ANKS1B: variants seen among roughly 807,000 people sequenced by gnomAD.
ANKS1B encodes the protein ankyrin repeat and sterile alpha motif domain containing 1B, also known as ankyrin repeat and sterile alpha motif domain-containing protein 1B.
In ANKS1B, 36 loss-of-function variants were observed where a neutral mutation model predicts 148.3. The observed-to-expected ratio is 0.24, with a 90% confidence interval of 0.19 to 0.32. The LOEUF is 0.32. Ranked by LOEUF, ANKS1B falls within the 10% of genes least tolerant of loss-of-function variation. ANKS1B has a pLI of 1.00. For missense variants in ANKS1B, 1,157 were observed against 1,542.6 expected, an observed-to-expected ratio of 0.75 and a Z score of 4.19; for synonymous variants, 542 against 560.8, an observed-to-expected ratio of 0.97 and a Z score of 0.47.
chr12:99,723,347 C>T (rs1249551544), intron 8 of ANKS1B, among the ~76,000 whole-genome samples: 3 of 152,108 alleles, frequency 2.0e-5, no homozygotes, highest in Non-Finnish European at 4.4e-5. Context: ...CGAGAGGGGT[C>T]CCCCGCAGCA....
At chr12:98,806,295 T>G (rs1216662605) in intron 20 of ANKS1B, among the ~76,000 whole-genome samples, 1 of 152,258 alleles carries the variant, frequency 6.6e-6, no homozygotes, top group Non-Finnish European at 1.5e-5. Flanking sequence ...AAGCCTTGTA[T>G]TATTCTTTAA....
chr12:99,563,455 C>T (rs2097357903), intron 9 of ANKS1B, among the ~76,000 whole-genome samples: 1 of 151,924 alleles, frequency 6.6e-6, no homozygotes, highest in Admixed American at 6.6e-5. Context: ...AGTAGGGAGG[C>T]CTGAGGAGAG....
intron 11 of ANKS1B, among the ~76,000 whole-genome samples, chr12:99,430,718 C>T (rs2095355457): frequency 6.6e-6 from 1 of 152,154 alleles, no homozygotes; most frequent in Non-Finnish European, 1.5e-5. Flanking sequence ...TCTTCAGAGA[C>T]ATAATAAATA....
chr12:99,078,285 T>C (rs999852934), intron 16 of ANKS1B, among the ~76,000 whole-genome samples: 8 of 152,338 alleles, frequency 5.3e-5, no homozygotes, highest in African/African-American at 1.9e-4. Flanking sequence ...TAGAGTTTAG[T>C]AGACTCACTG....
chr12:98,773,287 T>C, intron 24 of ANKS1B, 108 bp from the exon 25 acceptor site: 2 of 1,303,838 alleles, frequency 1.5e-6, no homozygotes, highest in South Asian at 1.6e-5. Flanking sequence ...TCTGGAGTGT[T>C]CTAGACTAGC....
intron 9 of ANKS1B, among the ~76,000 whole-genome samples, chr12:99,643,358 A>G (rs901421898): frequency 6.6e-6 from 1 of 152,214 alleles, no homozygotes; most frequent in Non-Finnish European, 1.5e-5. Flanking sequence ...CTAAAATTCA[A>G]TGATATGACA....
chr12:99,796,290 T>A (rs1390153214), intron 4 of ANKS1B, among the ~76,000 whole-genome samples: 1 of 152,010 alleles, frequency 6.6e-6, no homozygotes, highest in Non-Finnish European at 1.5e-5. Context: ...GGCATGGAAT[T>A]TAAAACTTAT....
intron 14 of ANKS1B, among the ~76,000 whole-genome samples, chr12:99,183,846 G>C (rs946492455): frequency 2.2e-4 from 33 of 152,082 alleles, no homozygotes; most frequent in African/African-American, 7.7e-4. Flanking sequence ...ACTTTTTTCT[G>C]TCAGAGCACC....
intron 17 of ANKS1B, among the ~76,000 whole-genome samples, chr12:98,840,463 C>G (rs2099399739): frequency 6.6e-6 from 1 of 152,072 alleles, no homozygotes; most frequent in South Asian, 2.1e-4. Context: ...TATACAGCTC[C>G]AGAGAGAGCA....
chr12:99,936,215 T>C (rs1359800320), intron 1 of ANKS1B, among the ~76,000 whole-genome samples: 1 of 152,172 alleles, frequency 6.6e-6, no homozygotes, highest in East Asian at 1.9e-4. Flanking sequence ...GTGAGAATCT[T>C]GGGAGCCATC....
intron 19 of ANKS1B, among the ~76,000 whole-genome samples, chr12:98,808,413 T>C (rs1167471902): frequency 6.6e-6 from 1 of 152,224 alleles, no homozygotes; most frequent in Non-Finnish European, 1.5e-5. Context: ...AAGATATTTA[T>C]GCCTCCAGAG....
At chr12:99,251,661 C>T (rs1283047875) in intron 12 of ANKS1B, among the ~76,000 whole-genome samples, 6 of 152,108 alleles carry the variant, frequency 3.9e-5, no homozygotes, top group Non-Finnish European at 2.9e-5. Flanking sequence ...TCCACCTTTG[C>T]TATGATTTTT....
At chr12:99,532,157 T>C (rs1440778132) in intron 9 of ANKS1B, among the ~76,000 whole-genome samples, 3 of 152,232 alleles carry the variant, frequency 2.0e-5, no homozygotes, top group Admixed American at 2.0e-4. Context: ...GTCTGTTTAC[T>C]TTGTGGATTA....
chr12:99,042,325 A>G (rs1283329780), intron 17 of ANKS1B, among the ~76,000 whole-genome samples: 1 of 152,160 alleles, frequency 6.6e-6, no homozygotes, highest in Non-Finnish European at 1.5e-5. Flanking sequence ...TGTTATGAAG[A>G]CATGTCTGCG....
intron 3 of ANKS1B, among the ~76,000 whole-genome samples, chr12:99,808,348 A>G (rs889885131): frequency 2.0e-5 from 3 of 152,124 alleles, no homozygotes; most frequent in African/African-American, 7.2e-5. Context: ...GAGTAGAGTG[A>G]CAAGGGGAAA....
chr12:99,502,781 AT>A (rs2096668428), intron 10 of ANKS1B, among the ~76,000 whole-genome samples: 2 of 152,098 alleles, frequency 1.3e-5, no homozygotes, highest in South Asian at 2.1e-4. Flanking sequence ...TGCTCAATAA[AT>A]TTACTATTTT....
At chr12:98,818,662 TATC>T (rs1365167826) in intron 19 of ANKS1B, among the ~76,000 whole-genome samples, 1 of 152,244 alleles carries the variant, frequency 6.6e-6, no homozygotes. Flanking sequence ...ATCAGCTTTT[TATC>T]ATAACATGAA....
rs1214267546 is a variant in ANKS1B, at chr12:99,445,273, T to A, written c.1439-1464A>T. Among the ~76,000 whole-genome samples the A allele has an allele frequency of 4.6e-5, 7 of 152,166 alleles. No homozygotes were observed. The East Asian group carries it at 1.4e-3, about 29-fold the overall frequency. On this transcript the variant is annotated intron_variant, in intron 10 of 26. Transcript: ENST00000683438. Reference sequence around the variant, plus strand: ...CTAAAAACTACACATGTAAGAACACTTATTTGGGGCAACTATGAGTCAAAT... The same window carrying A: ...CTAAAAACTACACATGTAAGAACACATATTTGGGGCAACTATGAGTCAAAT...
At chr12:99,191,929 T>C (rs1243257387) in intron 14 of ANKS1B, among the ~76,000 whole-genome samples, 1 of 151,928 alleles carries the variant, frequency 6.6e-6, no homozygotes, top group Non-Finnish European at 1.5e-5. Flanking sequence ...GTCAGGAGTT[T>C]GAGACCAGCC....
Sources: gnomAD v4.1 joint callset for allele counts (sites outside exome capture counted in the v4.1 genomes callset) on GRCh38, gnomAD v4.1.1 for gene constraint, MANE v1.5 for transcripts, NCBI Gene and HGNC (gene_info 2026-07-23, HGNC 2026-07-21) for gene names.